The following ABCC6 variants were observed in gnomAD, a reference collection of about 807,000 sequenced individuals.
ABCC6 encodes the protein ATP binding cassette subfamily C member 6, also known as ATP-binding cassette sub-family C member 6.
ABCC6 carries 126 observed loss-of-function variants against 169.5 expected under a neutral mutation model. That is an observed-to-expected ratio of 0.74 (90% CI 0.64 to 0.86). ABCC6 has a LOEUF of 0.86. ABCC6 is among the 40% of genes least tolerant of loss of function. The pLI, the probability that ABCC6 is intolerant of heterozygous loss-of-function variation, is 0.00. For missense variants in ABCC6, 1,733 were observed against 1,927.2 expected, an observed-to-expected ratio of 0.90 and a Z score of 1.89; for synonymous variants, 752 against 814.7, an observed-to-expected ratio of 0.92 and a Z score of 1.31.
intron 26 of ABCC6, 48 bp downstream of exon 26, chr16:16,159,434 C>A (rs1490361223): frequency 1.3e-6 from 2 of 1,557,114 alleles, no homozygotes; most frequent in African/African-American, 1.4e-5. Context: ...TTGCCCCCCC[C>A]CACAATATGT....
Position 16,177,575 on chromosome 16 carries a change from T to G in ABCC6, c.2467A>C (p.Ile823Leu), listed in dbSNP as rs2047320403. The G allele has an allele frequency of 1.2e-6, 2 of 1,614,162 alleles. No homozygotes were observed. Among genetic ancestry groups the G allele is most frequent in the East Asian group, 2.2e-5 (1 of 44,874 alleles). Residue 823 changes from isoleucine (I) to leucine (L), a missense_variant, in exon 19 of 31, where the codon ATC becomes CTC. Coordinates refer to ENST00000205557, the MANE Select transcript of ABCC6 (RefSeq NM_001171.6). ...ATGGCCCCATTTGCCAGCACTATGA[T>G]CCAATCAGCCTGGGGCAGGATGTGG... Reference protein sequence around the residue: ...ALHILPQADWIIVLANGAIAE... With the variant: ...ALHILPQADWLIVLANGAIAE...
At chr16:16,183,872 G>T (rs1402646502) in intron 15 of ABCC6, among the ~76,000 whole-genome samples, 2 of 152,022 alleles carry the variant, frequency 1.3e-5, no homozygotes, top group Non-Finnish European at 1.5e-5. Context: ...TCCTGCCCCA[G>T]GACCTTTGCT....
intron 9 of ABCC6, among the ~76,000 whole-genome samples, chr16:16,200,358 G>A (rs1223139486): frequency 1.3e-5 from 2 of 151,448 alleles, no homozygotes; most frequent in Admixed American, 6.6e-5. Flanking sequence ...GAACCCAGGG[G>A]GCGGAGGTTG....
intron 24 of ABCC6, among the ~76,000 whole-genome samples, chr16:16,162,001 TCA>T (rs2152222834): frequency 6.6e-6 from 1 of 152,282 alleles, no homozygotes; most frequent in Admixed American, 6.5e-5. Context: ...TAGTGAGTTC[TCA>T]CAAGATCATA....
intron 14 of ABCC6, among the ~76,000 whole-genome samples, chr16:16,186,457 C>A (rs527540084): frequency 6.6e-6 from 1 of 151,962 alleles, no homozygotes; most frequent in African/African-American, 2.4e-5. Flanking sequence ...AGAGTGTCAT[C>A]TGTGTTTATA....
At chr16:16,189,004 C>G (rs757981471) in intron 12 of ABCC6, 30 bp from the exon 13 acceptor site, 1 of 1,612,290 alleles carries the variant, frequency 6.2e-7, no homozygotes, top group Non-Finnish European at 8.5e-7. Flanking sequence ...CGTGGGGCAA[C>G]AGTGAGACAC....
intron 21 of ABCC6, among the ~76,000 whole-genome samples, chr16:16,172,238 T>A (rs1282190633): frequency 7.5e-6 from 1 of 133,768 alleles, no homozygotes; most frequent in Non-Finnish European, 1.6e-5. Context: ...AATGGGTGGG[T>A]GGGATGGATA....
At chr16:16,195,175 C>G (rs1030304625) in intron 10 of ABCC6, among the ~76,000 whole-genome samples, 3 of 152,050 alleles carry the variant, frequency 2.0e-5, no homozygotes, top group East Asian at 1.9e-4. Flanking sequence ...CTGTAGCAAC[C>G]TCAGTGTCCA....
At chr16:16,211,236 T>C (rs1221996279) in intron 6 of ABCC6, among the ~76,000 whole-genome samples, 1 of 151,370 alleles carries the variant, frequency 6.6e-6, no homozygotes, top group African/African-American at 2.4e-5. Flanking sequence ...ACACTGTCTC[T>C]ACTAAAAATA....
chr16:16,186,341 T>C (rs758217843), intron 14 of ABCC6, among the ~76,000 whole-genome samples: 4 of 152,070 alleles, frequency 2.6e-5, no homozygotes, highest in Non-Finnish European at 5.9e-5. Flanking sequence ...AAGGACCTGG[T>C]CTGTTAGAGC....
rs140666279 is a variant in ABCC6 at position 16,164,336 on chromosome 16, C to T, written c.3307-1144G>A. Among the ~76,000 whole-genome samples the T allele has an allele frequency of 7.0e-3, 1,067 of 152,160 alleles. 14 individuals are homozygous for T. The highest frequency in any genetic ancestry group is 0.025 in the African/African-American group (1,022 of 41,514). On this transcript the variant is annotated intron_variant, in intron 23 of 30. Transcript: ENST00000205557. ...TGTGAGCCACCATGCCTAGCCCTAG[C>T]CATGGTTTTTATCTGACTACCATGT...
intron 13 of ABCC6, among the ~76,000 whole-genome samples, chr16:16,187,416 C>T (rs1046437927): frequency 1.9e-4 from 29 of 152,214 alleles, no homozygotes; most frequent in Non-Finnish European, 3.7e-4. Flanking sequence ...CCTCTGCGAT[C>T]CTACAAATCA....
intron 7 of ABCC6, among the ~76,000 whole-genome samples, chr16:16,205,984 G>T (rs2048380422): frequency 6.6e-6 from 1 of 152,210 alleles, no homozygotes; most frequent in Non-Finnish European, 1.5e-5. Flanking sequence ...GGAGACTGTG[G>T]TTCCAATGCC....
At chr16:16,150,888 G>T in intron 29 of ABCC6, 116 bp from the exon 30 acceptor site, 1 of 1,529,406 alleles carries the variant, frequency 6.5e-7, no homozygotes, top group South Asian at 1.2e-5. Flanking sequence ...CTGTGTTCAG[G>T]CATCCCCACA....
At chr16:16,179,824 C>G (rs1006936960) in intron 17 of ABCC6, among the ~76,000 whole-genome samples, 1 of 152,198 alleles carries the variant, frequency 6.6e-6, no homozygotes, top group African/African-American at 2.4e-5. Context: ...CTCCTGCCCT[C>G]AGGTGATCCG....
intron 30 of ABCC6, 97 bp downstream of exon 30, chr16:16,150,481 A>G (rs909436611): frequency 1.3e-6 from 2 of 1,517,532 alleles, no homozygotes; most frequent in African/African-American, 1.4e-5. Context: ...GGACCCCTCC[A>G]GCTCTAACCC....
At chr16:16,198,598 C>T (rs1422300131) in intron 9 of ABCC6, among the ~76,000 whole-genome samples, 5 of 152,036 alleles carry the variant, frequency 3.3e-5, no homozygotes, top group Admixed American at 6.6e-5. Context: ...CCTGTAATCC[C>T]GCCACTCTGG....
intron 13 of ABCC6, 148 bp downstream of exon 13, chr16:16,188,683 C>T (rs2047735859): frequency 8.4e-7 from 1 of 1,183,770 alleles, no homozygotes; most frequent in Non-Finnish European, 1.2e-6. Context: ...GTTCTTGCCC[C>T]TACCCGCCTC....
intron 17 of ABCC6, chr16:16,181,615 A>C (rs1268215459): frequency 6.5e-6 from 1 of 153,058 alleles, no homozygotes; most frequent in Non-Finnish European, 1.5e-5. Context: ...AGAGGTGATG[A>C]TGGGAGATGG....
Sources: allele counts gnomAD v4.1 joint callset (sites outside exome capture counted in the v4.1 genomes callset), GRCh38; gene constraint gnomAD v4.1.1; transcripts MANE v1.5; gene names NCBI Gene and HGNC (gene_info 2026-07-23, HGNC 2026-07-21).